OPCML: variants seen among roughly 807,000 people sequenced by gnomAD.
The protein encoded by OPCML is opioid-binding protein/cell adhesion molecule.
OPCML carries 13 observed loss-of-function variants against 37.8 expected under a neutral mutation model. The ratio of observed to expected loss-of-function variants is 0.34; its 90% CI spans 0.22 to 0.55. The LOEUF is 0.55. Ranked by LOEUF, OPCML falls within the 20% of genes least tolerant of loss-of-function variation. The probability of loss-of-function intolerance (pLI) is 0.91; values close to 1 mark genes in which losing one functional copy is unlikely to be tolerated. For missense variants in OPCML, 341 were observed against 435.6 expected (o/e 0.78, Z 1.93); for synonymous variants, 176 against 168.8 (o/e 1.04, Z -0.33).
chr11:132,736,197 G>A (rs976568746), intron 2 of OPCML, among the ~76,000 whole-genome samples: 1 of 152,180 alleles, frequency 6.6e-6, no homozygotes, highest in African/African-American at 2.4e-5. Context: ...GTGCCAGTGT[G>A]TGTGGTGGGG....
chr11:133,429,281 G>A (rs999755773), intron 1 of OPCML, among the ~76,000 whole-genome samples: 2 of 152,166 alleles, frequency 1.3e-5, no homozygotes, highest in Admixed American at 6.5e-5. Context: ...GAGAGATGAA[G>A]GAGACCAAAT....
chr11:133,212,171 C>T lies in OPCML; in HGVS notation c.62-269161G>A, dbSNP rs970625454. Reference sequence around the variant, plus strand: ...CCCACACCACCACCAATCACAACATCATAATGACCAATCAATCAACCAAAC... The same window carrying T: ...CCCACACCACCACCAATCACAACATTATAATGACCAATCAATCAACCAAAC... On this transcript the variant is annotated intron_variant, in intron 1 of 7. Transcript: ENST00000524381. The surrounding 1 kb of genome is among the most constrained non-coding windows in gnomAD (Gnocchi z 4.9). 3.3e-5 allele frequency among the ~76,000 whole-genome samples: 5 copies of T among 152,164 alleles called. No individual in the cohort carries two copies. Among genetic ancestry groups the T allele is most frequent in the African/African-American group, 1.2e-4 (5 of 41,432 alleles).
At chr11:133,157,814 A>G (rs1950083183) in intron 1 of OPCML, among the ~76,000 whole-genome samples, 1 of 152,180 alleles carries the variant, frequency 6.6e-6, no homozygotes, top group Non-Finnish European at 1.5e-5. Flanking sequence ...TTTACTTTCC[A>G]AAAATCTGAG....
intron 3 of OPCML, among the ~76,000 whole-genome samples, chr11:132,566,841 A>C (rs2096424346): frequency 6.6e-6 from 1 of 152,198 alleles, no homozygotes; most frequent in Non-Finnish European, 1.5e-5. Flanking sequence ...TAGGTAGTAC[A>C]GGAGTGAAAC....
intron 1 of OPCML, among the ~76,000 whole-genome samples, chr11:133,041,344 T>A (rs1947893032): frequency 6.6e-6 from 1 of 152,228 alleles, no homozygotes. Context: ...TTATTAATAT[T>A]GATTGAATCA....
At chr11:133,478,636 T>C (rs1002636310) in intron 1 of OPCML, among the ~76,000 whole-genome samples, 2 of 152,212 alleles carry the variant, frequency 1.3e-5, no homozygotes, top group African/African-American at 2.4e-5. Flanking sequence ...AGACAAATAA[T>C]TGAAGTACAG....
At chr11:132,462,052 A>G (rs1054240418) in intron 4 of OPCML, among the ~76,000 whole-genome samples, 8 of 152,138 alleles carry the variant, frequency 5.3e-5, no homozygotes, top group Admixed American at 3.9e-4. Flanking sequence ...ACAATGTACT[A>G]CTTGCAATTT....
intron 3 of OPCML, among the ~76,000 whole-genome samples, chr11:132,651,026 T>A (rs1229109795): frequency 6.6e-6 from 1 of 152,344 alleles, no homozygotes; most frequent in South Asian, 2.1e-4. Flanking sequence ...TTGTGACCTA[T>A]GGCTCTGCCT....
At chr11:133,228,778 C>T (rs1404801215) in intron 1 of OPCML, among the ~76,000 whole-genome samples, 1 of 152,258 alleles carries the variant, frequency 6.6e-6, no homozygotes, top group South Asian at 2.1e-4. Context: ...ACCGCACACG[C>T]GGAGGCTGTT....
intron 1 of OPCML, among the ~76,000 whole-genome samples, chr11:133,043,389 G>A (rs560568060): frequency 3.9e-5 from 6 of 152,264 alleles, no homozygotes; most frequent in Admixed American, 3.3e-4. Flanking sequence ...AGGATGCCAG[G>A]CTGACCAAGG....
chr11:132,534,404 A>C (rs1187797527), intron 3 of OPCML, among the ~76,000 whole-genome samples: 1 of 152,212 alleles, frequency 6.6e-6, no homozygotes, highest in African/African-American at 2.4e-5. Context: ...TTGCCACATA[A>C]TATTTAATAG....
intron 1 of OPCML, among the ~76,000 whole-genome samples, chr11:133,014,227 A>C (rs1947274620): frequency 6.6e-6 from 1 of 152,094 alleles, no homozygotes; most frequent in Non-Finnish European, 1.5e-5. Context: ...ATGCTATGTA[A>C]GTTGGAATTC....
chr11:133,418,811 CT>C (rs1300507107), intron 1 of OPCML, among the ~76,000 whole-genome samples: 2 of 152,148 alleles, frequency 1.3e-5, no homozygotes, highest in African/African-American at 2.4e-5. Context: ...AGATTTGTAA[CT>C]TTCCCAATTA....
chr11:133,195,087 G>A (rs574192612), intron 1 of OPCML, among the ~76,000 whole-genome samples: 24 of 152,212 alleles, frequency 1.6e-4, no homozygotes, highest in African/African-American at 4.3e-4. Context: ...GTAAGTTGTC[G>A]GATTCCAGAG....
chr11:133,095,277 G>GGTTT (rs1436840437), intron 1 of OPCML, among the ~76,000 whole-genome samples: 2 of 44,200 alleles, frequency 4.5e-5, no homozygotes, highest in African/African-American at 1.8e-4. Flanking sequence ...TAATGTAAAT[G>GGTTT]TTTTTTTTTT....
chr11:133,326,960 G>A (rs1380489613), intron 1 of OPCML, among the ~76,000 whole-genome samples: 5 of 142,486 alleles, frequency 3.5e-5, no homozygotes, highest in African/African-American at 1.3e-4. Context: ...TGTGTATGAG[G>A]TGGGGTATGT....
chr11:133,418,098 G>A (rs996144181), intron 1 of OPCML: 22 of 985,272 alleles, frequency 2.2e-5, no homozygotes, highest in Non-Finnish European at 2.3e-5. Flanking sequence ...TCTGTGGTTC[G>A]GAGGACTGGT....
At chr11:133,063,494 C>T (rs765580172) in intron 1 of OPCML, among the ~76,000 whole-genome samples, 1 of 152,022 alleles carries the variant, frequency 6.6e-6, no homozygotes, top group African/African-American at 2.4e-5. Context: ...TGAATGATGA[C>T]TTTGGGTCCT....
chr11:132,689,745 A>G (rs555890510), intron 2 of OPCML, among the ~76,000 whole-genome samples: 1 of 152,340 alleles, frequency 6.6e-6, no homozygotes, highest in South Asian at 2.1e-4. Context: ...GATCTTATCC[A>G]AGTAGCTGAA....
Sources: gnomAD v4.1 joint callset for allele counts (sites outside exome capture counted in the v4.1 genomes callset) on GRCh38, gnomAD v4.1.1 for gene constraint, Gnocchi (gnomAD v3.1) non-coding constraint, MANE v1.5 for transcripts, NCBI Gene and HGNC (gene_info 2026-07-23, HGNC 2026-07-21) for gene names.